The following MPDZ variants were observed in gnomAD, a reference collection of about 807,000 sequenced individuals.
MPDZ encodes multiple PDZ domain protein.
A neutral mutation model predicts 239.1 loss-of-function variants in MPDZ; 234 were observed. That is an observed-to-expected ratio of 0.98 (90% CI 0.88 to 1.09). The LOEUF (loss-of-function observed/expected upper bound fraction) is 1.09. Ranked by LOEUF, MPDZ falls within the 50% of genes least tolerant of loss-of-function variation. The probability of loss-of-function intolerance (pLI) is 0.00; values close to 1 mark genes in which losing one functional copy is unlikely to be tolerated. For missense variants in MPDZ, 3,175 were observed against 2,510.0 expected, an observed-to-expected ratio of 1.26 and a Z score of -5.66; for synonymous variants, 1,048 against 881.3, an observed-to-expected ratio of 1.19 and a Z score of -3.35.
rs1251068073 is a variant in MPDZ at position 13,112,088 on chromosome 9, T to A, written c.5660A>T (p.Asp1887Val). The A allele has an allele frequency of 1.9e-6, 3 of 1,613,502 alleles. No individual in the cohort carries two copies. Among genetic ancestry groups the A allele is most frequent in the African/African-American group, 2.7e-5 (2 of 75,040 alleles). ...IAGGVGSPLGDVPIFIAMMHP... is the reference protein window; with the variant it reads ...IAGGVGSPLGVVPIFIAMMHP... ...CATCATTGCAATAAATATAGGCACA[T>A]CACCAAGTGGGCTGCCTACTCCTCC... The change falls in exon 43 of 47, where the codon GAT (aspartate) becomes GTT (valine). Residue 1887 changes from aspartate (D) to valine (V), a missense_variant. By Grantham distance (152) the Asp-to-Val change is radical (BLOSUM62 -3). Coordinates refer to ENST00000319217, the MANE Select transcript of MPDZ (RefSeq NM_001378778.1).
chr9:13,114,414 T>C (rs549913893), intron 40 of MPDZ, among the ~76,000 whole-genome samples: 3 of 152,256 alleles, frequency 2.0e-5, no homozygotes, highest in African/African-American at 7.2e-5. Context: ...GTATGGGGTC[T>C]TTAAGGACAG....
chr9:13,131,104 T>C (rs1331679), intron 32 of MPDZ, among the ~76,000 whole-genome samples: 8,039 of 152,242 alleles, frequency 0.053, 535 homozygotes, highest in African/African-American at 0.16. Context: ...ATATATAGGA[T>C]AGTAAAAATG....
chr9:13,148,536 A>C (rs1032670175), intron 25 of MPDZ, among the ~76,000 whole-genome samples: 2 of 152,070 alleles, frequency 1.3e-5, no homozygotes, highest in African/African-American at 4.8e-5. Context: ...ATTTAGATAA[A>C]AACCTCCCTC....
chr9:13,251,128 C>CAAAAA (rs150252589), intron 1 of MPDZ, among the ~76,000 whole-genome samples: 4 of 36,398 alleles, frequency 1.1e-4, no homozygotes, highest in Admixed American at 7.6e-4. Flanking sequence ...GACTCCATCT[C>CAAAAA]AAAAAAAAAA....
chr9:13,162,899 C>T (rs1403873258), intron 22 of MPDZ, 104 bp from the exon 23 acceptor site: 1 of 716,086 alleles, frequency 1.4e-6, no homozygotes, highest in Non-Finnish European at 2.3e-6. Context: ...GTCCCTTTCT[C>T]CCTACTTTTT....
chr9:13,150,598 C>A lies in MPDZ; in HGVS notation c.3543G>T (p.Val1181=). 6.4e-7 allele frequency: 1 copy of A among 1,560,368 alleles called. No individual in the cohort carries two copies. The highest frequency in any genetic ancestry group is 8.7e-7 in the Non-Finnish European group (1 of 1,151,630). ...CATGTTTGATGAAAATGCCCCTCAT[C>A]ACTTCTCCATTGCTTAGCCGACTCC... ...GMGSRLSNGE[V]MRGIFIKHVL... is the part of the protein sequence containing the mutation. Residue 1181 remains valine (V), a synonymous_variant, in exon 25 of 47, where the codon GTG becomes GTT. Transcript: ENST00000319217.
chr9:13,249,570 C>T (rs1042751394), intron 2 of MPDZ, among the ~76,000 whole-genome samples: 34 of 152,220 alleles, frequency 2.2e-4, no homozygotes, highest in African/African-American at 7.9e-4. Context: ...TCAAAACCCA[C>T]CGACATCAAG....
intron 12 of MPDZ, among the ~76,000 whole-genome samples, chr9:13,198,855 CTA>C (rs1186384476): frequency 6.6e-6 from 1 of 150,610 alleles, no homozygotes; most frequent in Admixed American, 6.7e-5. Context: ...TCTTTTTGCT[CTA>C]GACTGCTTTG....
intron 21 of MPDZ, among the ~76,000 whole-genome samples, chr9:13,169,848 T>C (rs1192536744): frequency 6.6e-6 from 1 of 152,138 alleles, no homozygotes; most frequent in Non-Finnish European, 1.5e-5. Context: ...ATGCATCTCG[T>C]CTCTGTCCGT....
At chr9:13,112,922 T>G in intron 42 of MPDZ, 89 bp downstream of exon 42, 1 of 1,274,646 alleles carries the variant, frequency 7.8e-7, no homozygotes, top group Non-Finnish European at 1.1e-6. Flanking sequence ...GATGAATACT[T>G]TAAAACCGTA....
Position 13,126,502 on chromosome 9 carries a change from T to C in MPDZ, c.4632+14A>G. 1 of 1,542,086 alleles carries C rather than the reference T, an allele frequency of 6.5e-7. No individual in the cohort carries two copies. Among genetic ancestry groups the C allele is most frequent in the African/African-American group, 1.4e-5 (1 of 73,038 alleles). On this transcript the variant is annotated intron_variant, in intron 34 of 46. Transcript: ENST00000319217. The stretch of plus-strand genomic sequence containing the variant: ...TGGGCCTACATTACCATTTACTTTA[T>C]TTTGGAAAATTACCTTTTCAATAGG...
At chr9:13,263,707 C>A (rs1377380623) in intron 1 of MPDZ, among the ~76,000 whole-genome samples, 2 of 152,182 alleles carry the variant, frequency 1.3e-5, no homozygotes, top group African/African-American at 4.8e-5. Flanking sequence ...GTCAACTTCT[C>A]ATCAGAGAGC....
At chr9:13,234,653 C>G (rs1313543881) in intron 3 of MPDZ, among the ~76,000 whole-genome samples, 1 of 152,080 alleles carries the variant, frequency 6.6e-6, no homozygotes, top group African/African-American at 2.4e-5. Context: ...ATGACTACTG[C>G]TTTTGCAACC....
At chr9:13,246,331 A>G (rs1161826403) in intron 3 of MPDZ, among the ~76,000 whole-genome samples, 2 of 152,196 alleles carry the variant, frequency 1.3e-5, no homozygotes, top group African/African-American at 2.4e-5. Flanking sequence ...AATCCCAGCT[A>G]GTCAGGAGGC....
Position 13,106,957 on chromosome 9 carries a change from C to T in MPDZ, c.*8G>A, listed in dbSNP as rs756078797. 1.2e-6 allele frequency: 2 copies of T among 1,612,912 alleles called. No homozygotes were observed. The highest frequency in any genetic ancestry group is 1.7e-5 in the Admixed American group (1 of 60,004). On this transcript the variant is annotated 3_prime_UTR_variant, in exon 47 of 47. Coordinates refer to ENST00000319217, the MANE Select transcript of MPDZ (RefSeq NM_001378778.1). Reference sequence around the variant, plus strand: ...AGGGGTTGGGTTGGTTCAATTCTGGCAGCCAATTCAAGAGAGAACCATCAA... The same window carrying T: ...AGGGGTTGGGTTGGTTCAATTCTGGTAGCCAATTCAAGAGAGAACCATCAA...
In MPDZ at chr9:13,125,776, A is replaced by G. The variant is rs1945020278; in HGVS notation, c.4633-386T>C. Among the ~76,000 whole-genome samples the G allele has an allele frequency of 3.3e-5, 5 of 152,340 alleles. No individual in the cohort carries two copies. In the South Asian group the frequency reaches 8.3e-4, roughly 25 times the overall value. ...GAAGCAACTTACACAAACAGTTTTA[A>G]TAAAATAGAAACACATATGTTAGAA... On this transcript the variant is annotated intron_variant, in intron 34 of 46. Transcript: ENST00000319217.
At chr9:13,149,298 C>T (rs974211344) in intron 25 of MPDZ, among the ~76,000 whole-genome samples, 6 of 151,952 alleles carry the variant, frequency 3.9e-5, no homozygotes, top group African/African-American at 1.2e-4. Flanking sequence ...GTCATCAAAA[C>T]GTGCATTTAA....
At chr9:13,204,636 T>G (rs914969894) in intron 12 of MPDZ, among the ~76,000 whole-genome samples, 3 of 152,260 alleles carry the variant, frequency 2.0e-5, no homozygotes, top group African/African-American at 7.2e-5. Context: ...AGCTTATGTG[T>G]TAATGATTCT....
chr9:13,138,100 G>T lies in MPDZ; in HGVS notation c.4057C>A (p.Leu1353Met). The change falls in exon 29 of 47, where the codon CTG becomes ATG. Residue 1353 changes from leucine to methionine, a missense_variant. By Grantham distance (15) the Leu-to-Met change is conservative (BLOSUM62 2). Transcript: ENST00000319217. The stretch of plus-strand genomic sequence containing the variant: ...CCCAAACCACTATGACCTTTCTCCA[G>T]TTCAATCATATGCAGCTCGCCTGTT... ...TLTGELHMIE[L>M]EKGHSGLGLS... The T allele has an allele frequency of 6.2e-7, 1 of 1,611,956 alleles. No homozygotes were observed.
Sources: allele counts gnomAD v4.1 joint callset (sites outside exome capture counted in the v4.1 genomes callset), GRCh38; gene constraint gnomAD v4.1.1; transcripts MANE v1.5; gene names NCBI Gene and HGNC (gene_info 2026-07-23, HGNC 2026-07-21).